The following PREX2 variants were observed in gnomAD, a reference collection of about 807,000 sequenced individuals.
The protein encoded by PREX2 is phosphatidylinositol-3,4,5-trisphosphate dependent Rac exchange factor 2.
A neutral mutation model predicts 203.2 loss-of-function variants in PREX2; 107 were observed. The ratio of observed to expected loss-of-function variants is 0.53; its 90% CI spans 0.45 to 0.62. The LOEUF is 0.62. Among genes scored for constraint, PREX2 ranks in the 20% least tolerant of loss-of-function variants. The probability of loss-of-function intolerance (pLI) is 0.00; values close to 1 mark genes in which losing one functional copy is unlikely to be tolerated. For synonymous variants in PREX2, 672 were observed against 663.6 expected (o/e 1.01, Z -0.19); for missense variants, 1,777 against 1,955.9 (o/e 0.91, Z 1.72).
chr8:68,145,300 G>T (rs922408394), intron 33 of PREX2, among the ~76,000 whole-genome samples: 1 of 152,020 alleles, frequency 6.6e-6, no homozygotes, highest in South Asian at 2.1e-4. Flanking sequence ...TTAATGTCAT[G>T]TTTCCCATAT....
At chr8:67,983,715 T>G (rs1420935561) in intron 1 of PREX2, among the ~76,000 whole-genome samples, 1 of 152,246 alleles carries the variant, frequency 6.6e-6, no homozygotes, top group Non-Finnish European at 1.5e-5. Context: ...TTGACCACTC[T>G]TTGATTCTCC....
chr8:68,204,335 T>C (rs183912639), intron 37 of PREX2, among the ~76,000 whole-genome samples: 3 of 152,268 alleles, frequency 2.0e-5, no homozygotes, highest in Admixed American at 2.0e-4. Flanking sequence ...GGATGTGGAA[T>C]GTTTTTGCTT....
At chr8:67,967,115 A>G (rs913100951) in intron 1 of PREX2, among the ~76,000 whole-genome samples, 1 of 152,220 alleles carries the variant, frequency 6.6e-6, no homozygotes, top group Non-Finnish European at 1.5e-5. Context: ...AAAATATTTG[A>G]AAGAATTTTT....
intron 11 of PREX2, among the ~76,000 whole-genome samples, chr8:68,068,322 GA>G (rs1809080817): frequency 6.6e-6 from 1 of 152,006 alleles, no homozygotes; most frequent in African/African-American, 2.4e-5. Flanking sequence ...CAGGTCCTGG[GA>G]ATAGGAGTCT....
intron 39 of PREX2, among the ~76,000 whole-genome samples, chr8:68,229,637 A>G (rs1028396466): frequency 6.6e-6 from 1 of 152,170 alleles, no homozygotes; most frequent in Non-Finnish European, 1.5e-5. Context: ...CAGACATTTC[A>G]AAGACTCGTC....
At chr8:68,012,166 G>A (rs868389589) in intron 1 of PREX2, among the ~76,000 whole-genome samples, 3 of 152,110 alleles carry the variant, frequency 2.0e-5, no homozygotes, top group Non-Finnish European at 4.4e-5. Flanking sequence ...AATTCCTGAA[G>A]AACGCAGTTC....
intron 17 of PREX2, 66 bp downstream of exon 17, chr8:68,080,904 A>G: frequency 1.1e-6 from 1 of 908,542 alleles, no homozygotes; most frequent in East Asian, 2.4e-5. Context: ...AATTCTAAAC[A>G]AACTGAAATC....
chr8:68,214,872 T>C (rs935957612), intron 37 of PREX2, among the ~76,000 whole-genome samples: 1 of 152,228 alleles, frequency 6.6e-6, no homozygotes, highest in African/African-American at 2.4e-5. Context: ...TGTGATTGCC[T>C]CTTTTTAACA....
At chr8:68,050,267 C>T (rs192916038) in intron 8 of PREX2, among the ~76,000 whole-genome samples, 9 of 152,092 alleles carry the variant, frequency 5.9e-5, no homozygotes, top group Admixed American at 3.9e-4. Flanking sequence ...TATCACTACC[C>T]GAGACTGGGT....
At chr8:68,195,992 TACAA>T (rs1812387272) in intron 37 of PREX2, among the ~76,000 whole-genome samples, 1 of 152,198 alleles carries the variant, frequency 6.6e-6, no homozygotes, top group South Asian at 2.1e-4. Flanking sequence ...CAGAGCTACA[TACAA>T]CAGTGAATAT....
rs182133856 is a variant in PREX2 at position 68,058,427 on chromosome 8, G to A, written c.1239-2252G>A. On this transcript the variant is annotated intron_variant, in intron 10 of 39. Transcript: ENST00000288368. ...TCATTTAATCCTTTGGTTGCACTAT[G>A]ACATTGACATTCTTTTTTTTTTTTG... 2.1e-5 allele frequency among the ~76,000 whole-genome samples: 3 copies of A among 145,048 alleles called. No homozygotes were observed. In the East Asian group the frequency reaches 5.8e-4, roughly 28 times the overall value.
chr8:67,993,766 C>T (rs1333674217), intron 1 of PREX2, among the ~76,000 whole-genome samples: 4 of 152,150 alleles, frequency 2.6e-5, no homozygotes, highest in African/African-American at 9.7e-5. Flanking sequence ...GGGCCAATCA[C>T]CATGGGAATA....
rs1034544917 is a variant in PREX2 at position 67,961,084 on chromosome 8, G to T, written c.141+8549G>T. 4.0e-5 allele frequency among the ~76,000 whole-genome samples: 6 copies of T among 151,698 alleles called. No individual in the cohort carries two copies. In the East Asian group the frequency reaches 1.2e-3, roughly 29 times the overall value. On this transcript the variant is annotated intron_variant, in intron 1 of 39. Transcript: ENST00000288368. ...TCAGTCATTAGCCATGTAAAAAAAA[G>T]AAAATGATTTATCTGACATTTTAGT...
intron 35 of PREX2, among the ~76,000 whole-genome samples, chr8:68,171,737 T>G (rs1322732802): frequency 6.6e-6 from 1 of 152,152 alleles, no homozygotes; most frequent in Non-Finnish European, 1.5e-5. Flanking sequence ...ATAGAAGATT[T>G]TGTGTTCTAT....
chr8:68,148,265 T>C (rs2890423), intron 34 of PREX2, among the ~76,000 whole-genome samples: 43,490 of 151,920 alleles, frequency 0.29, 6,579 homozygotes, highest in East Asian at 0.5. Flanking sequence ...AATAAATAAA[T>C]AAATAGCCAC....
At chr8:68,053,075 GC>G in intron 8 of PREX2, 21 bp from the exon 9 acceptor site, 1 of 1,605,048 alleles carries the variant, frequency 6.2e-7, no homozygotes, top group Non-Finnish European at 8.5e-7. Flanking sequence ...TTGTTCATTT[GC>G]CTTTACCCAT....
intron 39 of PREX2, among the ~76,000 whole-genome samples, chr8:68,226,757 T>A (rs1813063901): frequency 6.6e-6 from 1 of 152,134 alleles, no homozygotes; most frequent in Admixed American, 6.5e-5. Context: ...AACAATGGAA[T>A]AGAATGAAAA....
chr8:68,064,539 G>GTT (rs71554620), intron 11 of PREX2, among the ~76,000 whole-genome samples: 1 of 149,480 alleles, frequency 6.7e-6, no homozygotes, highest in Non-Finnish European at 1.5e-5. Flanking sequence ...CAGCTAATTT[G>GTT]TTTTTTTTTT....
At chr8:68,032,437 A>G (rs1282739222) in intron 6 of PREX2, among the ~76,000 whole-genome samples, 1 of 152,210 alleles carries the variant, frequency 6.6e-6, no homozygotes, top group African/African-American at 2.4e-5. Flanking sequence ...ATTGACAATG[A>G]TTGCGAAAGA....
Sources: gnomAD v4.1 joint callset for allele counts (sites outside exome capture counted in the v4.1 genomes callset) on GRCh38, gnomAD v4.1.1 for gene constraint, MANE v1.5 for transcripts, NCBI Gene and HGNC (gene_info 2026-07-23, HGNC 2026-07-21) for gene names.